GALNT13: variants seen among roughly 807,000 people sequenced by gnomAD.
GALNT13 encodes UDP-GalNAc:polypeptide N-acetylgalactosaminyltransferase 13.
A neutral mutation model predicts 64.2 loss-of-function variants in GALNT13; 28 were observed. The ratio of observed to expected loss-of-function variants is 0.44; its 90% CI spans 0.32 to 0.60. The LOEUF is 0.60. Among genes scored for constraint, GALNT13 ranks in the 20% least tolerant of loss-of-function variants. The pLI, the probability that GALNT13 is intolerant of heterozygous loss-of-function variation, is 0.05. For missense variants in GALNT13, 577 were observed against 669.8 expected (o/e 0.86, Z 1.53); for synonymous variants, 214 against 224.6 (o/e 0.95, Z 0.42).
chr2:154,442,444 C>T (rs1385883422), intron 12 of GALNT13, among the ~76,000 whole-genome samples: 1 of 151,972 alleles, frequency 6.6e-6, no homozygotes, highest in Non-Finnish European at 1.5e-5. Context: ...TATATGTGGC[C>T]TAACCTGTTT....
the GALNT13 span, among the ~76,000 whole-genome samples, chr2:153,266,300 T>G: frequency 6.6e-6 from 1 of 152,234 alleles, no homozygotes; most frequent in Non-Finnish European, 1.5e-5. Context: ...TCGTAGTATT[T>G]GACAACGTTA....
At chr2:153,776,044 C>T in the GALNT13 span, among the ~76,000 whole-genome samples, 3 of 151,946 alleles carry the variant, frequency 2.0e-5, no homozygotes, top group Non-Finnish European at 4.4e-5. Flanking sequence ...TAGGAAACTT[C>T]GAAGAAATAT....
At chr2:153,676,680 T>C in the GALNT13 span, among the ~76,000 whole-genome samples, 8 of 151,706 alleles carry the variant, frequency 5.3e-5, no homozygotes, top group African/African-American at 1.9e-4. Flanking sequence ...TAGTGGATAC[T>C]TGATCAAGTA....
At chr2:154,350,273 C>T (rs1696318820) in intron 9 of GALNT13, among the ~76,000 whole-genome samples, 1 of 152,120 alleles carries the variant, frequency 6.6e-6, no homozygotes, top group African/African-American at 2.4e-5. Flanking sequence ...GCAGACCCAT[C>T]CTCAATATGA....
intron 2 of GALNT13, among the ~76,000 whole-genome samples, chr2:153,931,494 T>C (rs1295315894): frequency 6.6e-6 from 1 of 152,046 alleles, no homozygotes; most frequent in Non-Finnish European, 1.5e-5. Context: ...GGTTTTGTCA[T>C]AGGTGGCTCT....
chr2:153,075,093 C>T, the GALNT13 span, among the ~76,000 whole-genome samples: 1 of 152,008 alleles, frequency 6.6e-6, no homozygotes. Flanking sequence ...GTTTCTGAAC[C>T]GTTTTAGTAG....
chr2:153,082,577 A>G, the GALNT13 span, among the ~76,000 whole-genome samples: 2 of 23,746 alleles, frequency 8.4e-5, no homozygotes, highest in African/African-American at 2.0e-4. Flanking sequence ...GCTGGTTTAT[A>G]TATATATATA....
At chr2:153,575,081 C>A in the GALNT13 span, among the ~76,000 whole-genome samples, 1 of 152,132 alleles carries the variant, frequency 6.6e-6, no homozygotes, top group African/African-American at 2.4e-5. Flanking sequence ...TAGGAGGCAC[C>A]CCAAGCCCAG....
chr2:153,124,821 G>A, the GALNT13 span, among the ~76,000 whole-genome samples: 1 of 152,148 alleles, frequency 6.6e-6, no homozygotes, highest in East Asian at 1.9e-4. Context: ...TGTTTTAAAT[G>A]TGTGTAATTT....
chr2:153,149,764 T>G, the GALNT13 span, among the ~76,000 whole-genome samples: 1 of 151,914 alleles, frequency 6.6e-6, no homozygotes, highest in South Asian at 2.1e-4. Context: ...TTATATCCTT[T>G]AAATTTTAGC....
At chr2:153,458,243 T>C in the GALNT13 span, among the ~76,000 whole-genome samples, 2 of 152,206 alleles carry the variant, frequency 1.3e-5, no homozygotes, top group East Asian at 3.9e-4. Context: ...ATCAGTAGTT[T>C]TTTTTTGTCA....
chr2:153,182,317 T>A, the GALNT13 span, among the ~76,000 whole-genome samples: 9 of 152,248 alleles, frequency 5.9e-5, 1 homozygote, highest in Non-Finnish European at 1.3e-4. Context: ...GTGCTGGGAT[T>A]ACAGGCGTGA....
the GALNT13 span, among the ~76,000 whole-genome samples, chr2:153,682,472 G>A: frequency 1.3e-5 from 2 of 151,468 alleles, no homozygotes; most frequent in East Asian, 1.9e-4. Flanking sequence ...ATTTATTCAC[G>A]TGCATATATC....
At chr2:154,327,699 C>G (rs1250204332) in intron 9 of GALNT13, among the ~76,000 whole-genome samples, 1 of 152,082 alleles carries the variant, frequency 6.6e-6, no homozygotes, top group African/African-American at 2.4e-5. Context: ...AACTCTTACA[C>G]AGGAATACTA....
intron 3 of GALNT13, among the ~76,000 whole-genome samples, chr2:153,991,329 A>G (rs1039991087): frequency 6.6e-6 from 1 of 152,176 alleles, no homozygotes; most frequent in Admixed American, 6.6e-5. Context: ...GGACCTGAAG[A>G]TAAGCCTGAA....
chr2:153,889,472 C>G (rs1484591526), intron 1 of GALNT13, among the ~76,000 whole-genome samples: 2 of 151,972 alleles, frequency 1.3e-5, no homozygotes, highest in African/African-American at 4.8e-5. Context: ...GTGGGAGTTA[C>G]TTTCTGTCTG....
At position 154,393,664 on chromosome 2, in the gene GALNT13, C is replaced by T. The variant is rs374591274; in HGVS notation, c.1157-2327C>T. Among the ~76,000 whole-genome samples the T allele has an allele frequency of 4.6e-5, 7 of 152,256 alleles. No homozygotes were observed. In the South Asian group the frequency reaches 1.0e-3, roughly 23 times the overall value. Reference sequence around the variant, plus strand: ...AAGTTGCAGTGGAAATGCCAGGGGGCGGCTTAGAGGTGGCAGGATAAGAAG... The same window carrying T: ...AAGTTGCAGTGGAAATGCCAGGGGGTGGCTTAGAGGTGGCAGGATAAGAAG... On this transcript the variant is annotated intron_variant, in intron 9 of 12. Coordinates refer to ENST00000392825, the MANE Select transcript of GALNT13 (RefSeq NM_052917.4).
At chr2:153,639,100 GAA>G in the GALNT13 span, among the ~76,000 whole-genome samples, 3 of 151,990 alleles carry the variant, frequency 2.0e-5, no homozygotes, top group Admixed American at 2.0e-4. Flanking sequence ...GCACTGCTGT[GAA>G]GAGAGGGATG....
the GALNT13 span, among the ~76,000 whole-genome samples, chr2:153,833,903 C>T: frequency 6.6e-6 from 1 of 152,004 alleles, no homozygotes; most frequent in African/African-American, 2.4e-5. Flanking sequence ...CTTTCTATTC[C>T]TTTTTGATTC....
Sources: gnomAD v4.1 joint callset for allele counts (sites outside exome capture counted in the v4.1 genomes callset) on GRCh38, gnomAD v4.1.1 for gene constraint, MANE v1.5 for transcripts, NCBI Gene and HGNC (gene_info 2026-07-23, HGNC 2026-07-21) for gene names.